The following ABCA1 variants were observed in gnomAD, a reference collection of about 807,000 sequenced individuals.
The protein encoded by ABCA1 is phospholipid-transporting ATPase ABCA1.
ABCA1 carries 133 observed loss-of-function variants against 262.5 expected under a neutral mutation model. The ratio of observed to expected loss-of-function variants is 0.51; its 90% CI spans 0.44 to 0.59. ABCA1 has a LOEUF of 0.59. Ranked by LOEUF, ABCA1 falls within the 20% of genes least tolerant of loss-of-function variation. The probability of loss-of-function intolerance (pLI) is 0.00; values close to 1 mark genes in which losing one functional copy is unlikely to be tolerated. For missense variants in ABCA1, 2,452 were observed against 2,777.5 expected, an observed-to-expected ratio of 0.88 and a Z score of 2.63; for synonymous variants, 1,022 against 1,043.5, an observed-to-expected ratio of 0.98 and a Z score of 0.40.
chr9:104,853,194 C>G (rs554969534), intron 7 of ABCA1, among the ~76,000 whole-genome samples: 40 of 152,306 alleles, frequency 2.6e-4, no homozygotes, highest in African/African-American at 7.7e-4. Context: ...AGTGGAACCA[C>G]TGGTTCCACA....
At chr9:104,898,040 A>G (rs1840363914) in intron 2 of ABCA1, among the ~76,000 whole-genome samples, 1 of 152,254 alleles carries the variant, frequency 6.6e-6, no homozygotes, top group Non-Finnish European at 1.5e-5. Context: ...CCTACACATC[A>G]GAAATCATTA....
chr9:104,862,658 CCGGGCCGGGCCGGGCCGGGCCGG>C (rs1836622177), intron 5 of ABCA1, among the ~76,000 whole-genome samples: 2 of 5,178 alleles, frequency 3.9e-4, no homozygotes, highest in Non-Finnish European at 9.9e-4. Context: ...CCGGGCCGGG[CCGGGCCGGGCCGGGCCGGGCCGG>C]GCCGGGCCGG....
chr9:104,842,433 C>CA (rs761702074), intron 8 of ABCA1, among the ~76,000 whole-genome samples: 6 of 150,332 alleles, frequency 4.0e-5, no homozygotes, highest in South Asian at 4.2e-4. Flanking sequence ...ACTCCCCAAT[C>CA]AAAAAAAAAA....
In ABCA1 at chr9:104,790,916, T is replaced by A; in HGVS notation, c.5927+6A>T. The A allele has an allele frequency of 6.3e-7, 1 of 1,587,604 alleles. No homozygotes were observed. Among genetic ancestry groups the A allele is most frequent in the South Asian group, 1.1e-5 (1 of 90,494 alleles). On this transcript the variant is annotated splice_donor_region_variant and intron_variant, in intron 44 of 49. Transcript: ENST00000374736. ...GCAGCAAAATACAAGCCACTTCTTTTCTCACCTATTTTTGTTAAGGAAAGC... is the reference window on the plus strand; with the variant it reads ...GCAGCAAAATACAAGCCACTTCTTTACTCACCTATTTTTGTTAAGGAAAGC...
chr9:104,873,635 T>C (rs1293889078), intron 5 of ABCA1, among the ~76,000 whole-genome samples: 1 of 152,234 alleles, frequency 6.6e-6, no homozygotes, highest in Non-Finnish European at 1.5e-5. Context: ...CCAGCTGTGC[T>C]TTCTTAGGCA....
intron 11 of ABCA1, among the ~76,000 whole-genome samples, chr9:104,833,684 T>G (rs989871423): frequency 6.6e-6 from 1 of 152,216 alleles, no homozygotes; most frequent in Non-Finnish European, 1.5e-5. Flanking sequence ...ACATAAAACC[T>G]AATTCCTTCT....
At chr9:104,915,993 C>T (rs1311866209) in intron 1 of ABCA1, among the ~76,000 whole-genome samples, 1 of 152,126 alleles carries the variant, frequency 6.6e-6, no homozygotes, top group Non-Finnish European at 1.5e-5. Context: ...AAGTGTCAGA[C>T]AGCCCTCTAT....
chr9:104,799,758 C>T, intron 36 of ABCA1, 61 bp downstream of exon 36: 1 of 1,613,774 alleles, frequency 6.2e-7, no homozygotes, highest in African/African-American at 1.3e-5. Context: ...ACATTTTTCT[C>T]CCCTTCTCCA....
At chr9:104,855,353 C>G (rs1045689661) in intron 7 of ABCA1, 1 of 175,878 alleles carries the variant, frequency 5.7e-6, no homozygotes, top group Non-Finnish European at 1.1e-5. Flanking sequence ...TGCGCCACCA[C>G]GCCTGCCTGG....
At chr9:104,886,533 G>C (rs904846140) in intron 3 of ABCA1, among the ~76,000 whole-genome samples, 3 of 152,180 alleles carry the variant, frequency 2.0e-5, no homozygotes, top group African/African-American at 4.8e-5. Context: ...CATTCAGGGA[G>C]ATTTATGTAA....
chr9:104,880,032 C>T (rs533588491), intron 5 of ABCA1, among the ~76,000 whole-genome samples: 1 of 152,212 alleles, frequency 6.6e-6, no homozygotes, highest in African/African-American at 2.4e-5. Flanking sequence ...CTCTAGAAAG[C>T]ATAACAGGGT....
At chr9:104,802,682 G>C (rs372527725) in intron 33 of ABCA1, among the ~76,000 whole-genome samples, 2 of 152,160 alleles carry the variant, frequency 1.3e-5, no homozygotes, top group Non-Finnish European at 2.9e-5. Flanking sequence ...AGGAGCCTTC[G>C]GGCCCCCTGA....
chr9:104,820,190 T>C, intron 20 of ABCA1, 121 bp from the exon 21 acceptor site: 1 of 1,264,076 alleles, frequency 7.9e-7, no homozygotes, highest in Non-Finnish European at 1.1e-6. Context: ...TTAAAATAAC[T>C]TTATCAATTT....
At chr9:104,916,634 T>C (rs1041575102) in intron 1 of ABCA1, among the ~76,000 whole-genome samples, 17 of 152,190 alleles carry the variant, frequency 1.1e-4, no homozygotes, top group African/African-American at 4.1e-4. Flanking sequence ...GGAGAATAAA[T>C]TTAGCACGCC....
intron 2 of ABCA1, among the ~76,000 whole-genome samples, chr9:104,890,377 C>T (rs1408645906): frequency 6.6e-6 from 1 of 152,074 alleles, no homozygotes; most frequent in Non-Finnish European, 1.5e-5. Flanking sequence ...GTCAGGAATT[C>T]GAGACCAGCC....
intron 4 of ABCA1, among the ~76,000 whole-genome samples, chr9:104,883,888 G>C (rs987171557): frequency 4.6e-5 from 7 of 152,216 alleles, no homozygotes; most frequent in African/African-American, 1.7e-4. Flanking sequence ...CTGAAGCCAG[G>C]AGCCAGGAAT....
chr9:104,866,631 G>A (rs923792997), intron 5 of ABCA1, among the ~76,000 whole-genome samples: 11 of 152,158 alleles, frequency 7.2e-5, no homozygotes, highest in Admixed American at 4.6e-4. Flanking sequence ...ACAGGCACCC[G>A]CCATCACGCC....
chr9:104,821,763 ATTC>A (rs1026882465), intron 19 of ABCA1, among the ~76,000 whole-genome samples: 2 of 152,262 alleles, frequency 1.3e-5, no homozygotes, highest in Admixed American at 1.3e-4. Flanking sequence ...CAATGAAAGT[ATTC>A]TTTAAAAAAT....
At chr9:104,793,835 G>A (rs2118866598) in intron 40 of ABCA1, among the ~76,000 whole-genome samples, 1 of 152,126 alleles carries the variant, frequency 6.6e-6, no homozygotes, top group East Asian at 1.9e-4. Flanking sequence ...TCTATGAACA[G>A]TAAATAACAT....
Sources: gnomAD v4.1 joint callset for allele counts (sites outside exome capture counted in the v4.1 genomes callset) on GRCh38, gnomAD v4.1.1 for gene constraint, MANE v1.5 for transcripts, NCBI Gene and HGNC (gene_info 2026-07-23, HGNC 2026-07-21) for gene names.